Variants in CRTC1 observed in about 807,000 individuals in gnomAD.
CRTC1 encodes the protein CREB regulated transcription coactivator 1.
Under a neutral mutation model 66.1 loss-of-function variants are expected in CRTC1, and 18 were observed. That is an observed-to-expected ratio of 0.27 (90% CI 0.19 to 0.40). The LOEUF is 0.40. Ranked by LOEUF, CRTC1 falls within the 10% of genes least tolerant of loss-of-function variation. The pLI is 1.00. For missense variants in CRTC1, 669 were observed against 887.9 expected (o/e 0.75, Z 3.13); for synonymous variants, 416 against 398.8 (o/e 1.04, Z -0.51).
intron 2 of CRTC1, among the ~76,000 whole-genome samples, chr19:18,744,371 T>C (rs1269119437): frequency 2.6e-5 from 4 of 152,162 alleles, no homozygotes; most frequent in Non-Finnish European, 5.9e-5. Flanking sequence ...CCCTGGGGAC[T>C]CTTGGGGTCC....
intron 3 of CRTC1, 28 bp downstream of exon 3, chr19:18,745,988 G>C: frequency 6.3e-7 from 1 of 1,592,134 alleles, no homozygotes; most frequent in South Asian, 1.1e-5. Context: ...GGATGAGGGT[G>C]GGGGCCAGGC....
Position 18,747,046 on chromosome 19 carries a change from A to T in CRTC1, c.382-7A>T. 6.2e-7 allele frequency: 1 copy of T among 1,605,000 alleles called. No homozygotes were observed. Among genetic ancestry groups the T allele is most frequent in the Non-Finnish European group, 8.5e-7 (1 of 1,177,268 alleles). Reference sequence around the variant, plus strand: ...GCCAGTGGCACTGCCCCCTTAACTCACCTCACGCCGACAGCTGCCCCTATG... The same window carrying T: ...GCCAGTGGCACTGCCCCCTTAACTCTCCTCACGCCGACAGCTGCCCCTATG... On this transcript the variant is annotated splice_region_variant and splice_polypyrimidine_tract_variant and intron_variant, in intron 3 of 13. Transcript: ENST00000321949.
At chr19:18,776,003 G>GGCCA (rs2054981033) in intron 13 of CRTC1, among the ~76,000 whole-genome samples, 182 bp downstream of exon 13, 1 of 151,806 alleles carries the variant, frequency 6.6e-6, no homozygotes, top group South Asian at 2.1e-4. Flanking sequence ...CCTGGGCTTC[G>GGCCA]GGCCAGGCCA....
In CRTC1 at chr19:18,775,802, C is replaced by G; in HGVS notation, c.1674C>G (p.Ile558Met). Residue 558 changes from isoleucine (I) to methionine (M), a missense_variant, in exon 13 of 14, where the codon ATC becomes ATG. Ile to Met is a conservative substitution (Grantham distance 10). Transcript: ENST00000321949. ...QQLGYASHSG[I>M]PNIILTVTGE... ...TGGGATACGCCAGCCACAGTGGCATCCCCAACATCATCCTCACAGGTGAGG... is the reference window on the plus strand; with the variant it reads ...TGGGATACGCCAGCCACAGTGGCATGCCCAACATCATCCTCACAGGTGAGG... 1 of 1,605,678 alleles carries G rather than the reference C, an allele frequency of 6.2e-7. No homozygotes were observed. The highest frequency in any genetic ancestry group is 8.5e-7 in the Non-Finnish European group (1 of 1,176,238).
chr19:18,735,806 G>A (rs1445225034), intron 1 of CRTC1, among the ~76,000 whole-genome samples: 1 of 152,218 alleles, frequency 6.6e-6, no homozygotes, highest in East Asian at 1.9e-4. Flanking sequence ...CGGCCGCACA[G>A]TGGCTCAGGC....
chr19:18,703,294 A>G (rs796098310), intron 1 of CRTC1, among the ~76,000 whole-genome samples: 4 of 152,116 alleles, frequency 2.6e-5, no homozygotes, highest in African/African-American at 7.2e-5. Context: ...TGGCCTCCCA[A>G]AGTGCTGGGA....
intron 1 of CRTC1, among the ~76,000 whole-genome samples, chr19:18,685,512 C>T (rs575893906): frequency 6.2e-4 from 94 of 152,114 alleles, no homozygotes; most frequent in African/African-American, 2.2e-3. Flanking sequence ...TAAAAATTAG[C>T]CGGACGTGGT....
Position 18,765,507 on chromosome 19 carries a change from C to T in CRTC1, c.990C>T (p.Ser330=). ...ARRQQASPTL[S]PLSPITQAVA... ...GTCAGCAGGCATCGCCCACCCTGTC[C>T]CCGCTGTCACCCATCACTCAGGTGC... Residue 330 remains serine (S), a synonymous_variant, in exon 9 of 14, where the codon TCC becomes TCT. Transcript: ENST00000321949. 1.2e-6 allele frequency: 2 copies of T among 1,606,986 alleles called. No individual in the cohort carries two copies. The highest frequency in any genetic ancestry group is 1.7e-6 in the Non-Finnish European group (2 of 1,179,050).
rs780881663 is a variant in CRTC1 at position 18,683,691 on chromosome 19, G to A, written c.-12G>A. On this transcript the variant is annotated 5_prime_UTR_variant, in exon 1 of 14. Coordinates refer to ENST00000321949, the MANE Select transcript of CRTC1 (RefSeq NM_015321.3). Reference sequence around the variant, plus strand: ...AGGAGGAGGAGGAGGAGGAGGAGGTGGCGGCGAGAAGATGGCGACTTCGAA... The same window carrying A: ...AGGAGGAGGAGGAGGAGGAGGAGGTAGCGGCGAGAAGATGGCGACTTCGAA... 1.4e-6 allele frequency: 2 copies of A among 1,393,866 alleles called. No homozygotes were observed. Among genetic ancestry groups the A allele is most frequent in the South Asian group, 1.3e-5 (1 of 77,194 alleles). 86.3% of individuals were successfully genotyped at this position (1,393,866 alleles called of 1,614,324 possible).
chr19:18,684,479 G>T (rs1009057014), intron 1 of CRTC1, among the ~76,000 whole-genome samples: 2 of 152,086 alleles, frequency 1.3e-5, no homozygotes, highest in African/African-American at 4.8e-5. Context: ...GTGGGACAGG[G>T]ATCTCTCCCT....
At chr19:18,744,891 G>C (rs552881901) in intron 2 of CRTC1, among the ~76,000 whole-genome samples, 1 of 152,188 alleles carries the variant, frequency 6.6e-6, no homozygotes, top group Non-Finnish European at 1.5e-5. Context: ...AGCAATCCTA[G>C]CCATGGACAG....
chr19:18,781,371 G>C lies in CRTC1; in HGVS notation c.*3989G>C, dbSNP rs929095555. 3.5e-5 allele frequency: 8 copies of C among 229,148 alleles called. No homozygotes were observed. The highest frequency in any genetic ancestry group is 5.2e-5 in the Non-Finnish European group (6 of 115,584). The allele number at this position is 229,148 out of a possible 1,614,324, so 14.2% of individuals were successfully genotyped here. A position where few individuals can be genotyped will look rare whatever the true frequency, so the allele number is the denominator to read the frequency against. ...CATGGACCAGGGGCCTCCATTTCCT[G>C]GGGGCTCTTGCGGCATGTGATTTGG... On this transcript the variant is annotated 3_prime_UTR_variant, in exon 14 of 14. Coordinates refer to ENST00000321949, the MANE Select transcript of CRTC1 (RefSeq NM_015321.3).
intron 1 of CRTC1, among the ~76,000 whole-genome samples, chr19:18,702,690 A>ATTTTGTATTTTGTATTTTTAGTAGAGG (rs1165243470): frequency 6.6e-6 from 1 of 151,402 alleles, no homozygotes; most frequent in Admixed American, 6.6e-5. Context: ...ATGCGCCACC[A>ATTTTGTATTTTGTATTTTTAGTAGAGG]CACCCGGCTA....
chr19:18,776,050 A>G (rs117275031), intron 13 of CRTC1, among the ~76,000 whole-genome samples: 401 of 152,270 alleles, frequency 2.6e-3, no homozygotes, highest in Non-Finnish European at 3.6e-3. Context: ...CGTCCCGTGC[A>G]TAGGATAGAG....
Position 18,768,722 on chromosome 19 carries a change from G to A in CRTC1, c.1249G>A (p.Val417Ile). The change falls in exon 10 of 14, where the codon GTA becomes ATA. Residue 417 changes from valine (V) to isoleucine (I), a missense_variant. Val to Ile is a conservative substitution (Grantham distance 29). Coordinates refer to ENST00000321949, the MANE Select transcript of CRTC1 (RefSeq NM_015321.3). This position sits in a 1 kb window ranked among gnomAD's most constrained non-coding sequence, Gnocchi z 5.6. ...GPQPPPLAVT[V>I]PSSLPQSPPE... ...ACAGCCGCCCCCGCTTGCAGTCACG[G>A]TACCGTCCTCTCTCCCCCAGTCCCC... 2 of 1,597,266 alleles carry A rather than the reference G, an allele frequency of 1.3e-6. No homozygotes were observed. Among genetic ancestry groups the A allele is most frequent in the Non-Finnish European group, 1.7e-6 (2 of 1,173,332 alleles).
chr19:18,773,673 T>A (rs1316509242), intron 11 of CRTC1, among the ~76,000 whole-genome samples: 2 of 152,198 alleles, frequency 1.3e-5, no homozygotes, highest in Non-Finnish European at 2.9e-5. Flanking sequence ...AAGCCGTTGA[T>A]TTTTAGGGCC....
At chr19:18,724,119 G>A (rs906207128) in intron 1 of CRTC1, among the ~76,000 whole-genome samples, 2 of 152,168 alleles carry the variant, frequency 1.3e-5, no homozygotes, top group South Asian at 2.1e-4. Context: ...TGGGCTCCAG[G>A]CGGGAACCGG....
Position 18,780,232 on chromosome 19 carries a change from G to A in CRTC1, c.*2850G>A, listed in dbSNP as rs978450009. 6 of 231,230 alleles carry A rather than the reference G, an allele frequency of 2.6e-5. No homozygotes were observed. The highest frequency in any genetic ancestry group is 6.6e-5 in the African/African-American group (3 of 45,182). The allele number at this position is 231,230 out of a possible 1,614,324, so 14.3% of individuals were successfully genotyped here. ...CTGGGTTAGAGGCTGCTCTCCCCAC[G>A]CACCCATGTGCTCATGGCTTCTGCA... On this transcript the variant is annotated 3_prime_UTR_variant, in exon 14 of 14. Coordinates refer to ENST00000321949, the MANE Select transcript of CRTC1 (RefSeq NM_015321.3).
At chr19:18,747,372 C>G (rs2054269932) in intron 4 of CRTC1, among the ~76,000 whole-genome samples, 2 of 152,076 alleles carry the variant, frequency 1.3e-5, no homozygotes, top group Non-Finnish European at 2.9e-5. Flanking sequence ...AGTGGTGGCT[C>G]AGGCCTGTAA....
Sources: allele counts gnomAD v4.1 joint callset (sites outside exome capture counted in the v4.1 genomes callset), GRCh38; gene constraint gnomAD v4.1.1; non-coding constraint Gnocchi (gnomAD v3.1); transcripts MANE v1.5; gene names NCBI Gene and HGNC (gene_info 2026-07-23, HGNC 2026-07-21).